Variants in PPFIA1 observed in about 807,000 individuals in gnomAD.
PPFIA1 encodes the protein liprin-alpha-1.
Under a neutral mutation model 149.9 loss-of-function variants are expected in PPFIA1, and 25 were observed. That is an observed-to-expected ratio of 0.17 (90% CI 0.12 to 0.23). PPFIA1 has a LOEUF of 0.23. Ranked by LOEUF, PPFIA1 falls within the 10% of genes least tolerant of loss-of-function variation. The pLI is 1.00. For synonymous variants in PPFIA1, 549 were observed against 552.8 expected (o/e 0.99, Z 0.10); for missense variants, 1,362 against 1,506.5 (o/e 0.90, Z 1.59).
At chr11:70,358,413 G>T (rs2137418729) in intron 19 of PPFIA1, 1 of 152,218 alleles carries the variant, frequency 6.6e-6, no homozygotes, top group Non-Finnish European at 1.5e-5. Flanking sequence ...AGTAGAGATG[G>T]GGTTTCACCA....
intron 21 of PPFIA1, among the ~76,000 whole-genome samples, chr11:70,366,548 T>A (rs2056949647): frequency 6.6e-6 from 1 of 152,240 alleles, no homozygotes; most frequent in African/African-American, 2.4e-5. Context: ...CCAACTGTTT[T>A]GCATTCTGTA....
chr11:70,301,949 G>A lies in PPFIA1; in HGVS notation c.265-22453G>A, dbSNP rs150354884. The stretch of plus-strand genomic sequence containing the variant: ...CATATGCAGTGACCGTGTGAACATG[G>A]CTGCTTTGCTCGGTTCCTTGTTGTG... On this transcript the variant is annotated intron_variant, in intron 2 of 27. Transcript: ENST00000253925. 1.0e-3 allele frequency among the ~76,000 whole-genome samples: 152 copies of A among 152,368 alleles called. 2 individuals are homozygous for A. Among genetic ancestry groups the A allele is most frequent in the African/African-American group, 3.3e-3 (136 of 41,592 alleles).
At chr11:70,370,022 A>G (rs954453622) in intron 21 of PPFIA1, among the ~76,000 whole-genome samples, 1 of 149,742 alleles carries the variant, frequency 6.7e-6, no homozygotes, top group Non-Finnish European at 1.5e-5. Context: ...GCTCAATCTC[A>G]GCTCACTGCA....
At chr11:70,381,326 G>A (rs2057703321) in intron 26 of PPFIA1, 1 of 152,154 alleles carries the variant, frequency 6.6e-6, no homozygotes, top group Admixed American at 6.5e-5. Context: ...ACCTGCTTCC[G>A]ATTTGCAAAA....
At chr11:70,279,004 A>G in intron 2 of PPFIA1, 1 of 549,604 alleles carries the variant, frequency 1.8e-6, no homozygotes, top group African/African-American at 1.9e-5. Context: ...TTGAAGAGAG[A>G]GCCCAATTCT....
At chr11:70,363,001 TTAAA>T (rs2056739323) in intron 21 of PPFIA1, 1 of 152,464 alleles carries the variant, frequency 6.6e-6, no homozygotes, top group African/African-American at 2.4e-5. Context: ...CATTTTATAA[TTAAA>T]TGTTTTGAAT....
intron 21 of PPFIA1, chr11:70,366,063 T>C: frequency 2.3e-6 from 1 of 425,824 alleles, no homozygotes; most frequent in South Asian, 1.7e-5. Context: ...TTTTGATGTT[T>C]ATAGCATCTT....
At chr11:70,309,548 A>G (rs1328214542) in intron 2 of PPFIA1, among the ~76,000 whole-genome samples, 2 of 152,162 alleles carry the variant, frequency 1.3e-5, no homozygotes, top group Non-Finnish European at 2.9e-5. Context: ...CAACAACCAA[A>G]GATAGTTTGG....
chr11:70,367,730 AGG>A (rs1397840848), intron 21 of PPFIA1: 1 of 392,210 alleles, frequency 2.5e-6, no homozygotes, highest in Non-Finnish European at 5.0e-6. Flanking sequence ...AGAAACAAGT[AGG>A]GTTCTGCTTC....
rs555927006 is a variant in PPFIA1, at chr11:70,362,550, C to T, written c.2865+62C>T. 3.4e-5 allele frequency: 51 copies of T among 1,486,590 alleles called. 1 individual carries two copies. In the South Asian group the frequency reaches 6.2e-4, roughly 18 times the overall value. 92.1% of individuals were successfully genotyped at this position (1,486,590 alleles called of 1,614,324 possible). ...AGGGAATGCCTCTCTGAAGGTATCA[C>T]TGCCCTGTTTACATTGCTTCTCCAG... is the stretch of plus-strand genomic sequence containing the variant. On this transcript the variant is annotated intron_variant, in intron 21 of 27. Coordinates refer to ENST00000253925, the MANE Select transcript of PPFIA1 (RefSeq NM_003626.5).
At chr11:70,336,820 AC>A (rs1344400832) in intron 11 of PPFIA1, among the ~76,000 whole-genome samples, 4 of 152,200 alleles carry the variant, frequency 2.6e-5, no homozygotes, top group Admixed American at 6.5e-5. Flanking sequence ...GGACTCAGAA[AC>A]TGCCCTGAGA....
intron 23 of PPFIA1, among the ~76,000 whole-genome samples, chr11:70,372,925 G>T (rs2057334183): frequency 6.6e-6 from 1 of 152,174 alleles, no homozygotes; most frequent in South Asian, 2.1e-4. Flanking sequence ...AAGCTCACTT[G>T]ATGATTCAAG....
rs549932599 is a variant in PPFIA1, at chr11:70,336,055, C to T, written c.1428+361C>T. ...TTAGCACAAAAGCAGCCATAAATAA[C>T]GTGTAAATGAATGAGTCTGGCTATG... On this transcript the variant is annotated intron_variant, in intron 11 of 27. Coordinates refer to ENST00000253925, the MANE Select transcript of PPFIA1 (RefSeq NM_003626.5). Among the ~76,000 whole-genome samples, 45 of 152,244 alleles carry T rather than the reference C, an allele frequency of 3.0e-4. No homozygotes were observed. The South Asian group carries it at 8.7e-3, about 30-fold the overall frequency.
At chr11:70,331,518 A>T (rs962117702) in intron 8 of PPFIA1, among the ~76,000 whole-genome samples, 1 of 152,094 alleles carries the variant, frequency 6.6e-6, no homozygotes. Context: ...AGTGGCGCAC[A>T]CCTGTAATCC....
rs2057785989 is a variant in PPFIA1 at position 70,383,640 on chromosome 11, A to G, written c.*650A>G. 1.3e-5 allele frequency: 2 copies of G among 154,270 alleles called. No homozygotes were observed. Among genetic ancestry groups the G allele is most frequent in the Admixed American group, 6.5e-5 (1 of 15,308 alleles). The allele number at this position is 154,270 out of a possible 1,614,324, so 9.6% of individuals were successfully genotyped here. ...GTGTTAAATATCAGCTCCTAATAAG[A>G]TGTGGACTGAAAACACTATCACAAC... On this transcript the variant is annotated 3_prime_UTR_variant, in exon 28 of 28. Coordinates refer to ENST00000253925, the MANE Select transcript of PPFIA1 (RefSeq NM_003626.5).
intron 2 of PPFIA1, among the ~76,000 whole-genome samples, chr11:70,314,105 T>C (rs2053451484): frequency 1.3e-5 from 2 of 152,092 alleles, no homozygotes; most frequent in Non-Finnish European, 2.9e-5. Flanking sequence ...GCAGGCACAC[T>C]GCATAGGGTG....
At chr11:70,371,273 TG>T (rs773250239) in intron 21 of PPFIA1, 4 of 33,064 alleles carry the variant, frequency 1.2e-4, no homozygotes, top group Non-Finnish European at 1.9e-4. Context: ...TCTTTAAGTA[TG>T]TTGAGATTTG....
chr11:70,368,439 C>CTA (rs780727453), intron 21 of PPFIA1, among the ~76,000 whole-genome samples: 99 of 152,298 alleles, frequency 6.5e-4, no homozygotes, highest in Middle Eastern at 6.8e-3. Flanking sequence ...TTGAGAGTCA[C>CTA]TACAAAGATA....
chr11:70,272,214 C>A lies in PPFIA1; in HGVS notation c.42C>A (p.Gly14=), dbSNP rs1235515945. 1 of 1,613,852 alleles carries A rather than the reference C, an allele frequency of 6.2e-7. No individual in the cohort carries two copies. Among genetic ancestry groups the A allele is most frequent in the South Asian group, 1.1e-5 (1 of 91,078 alleles). ...TGCCGACCATCAGCGAAGCAGAAGG[C>A]CCCCCTGGAGGAGGTGGAGGCCATG... is the stretch of plus-strand genomic sequence containing the variant. ...EVMPTISEAE[G]PPGGGGGHGS... is the part of the protein sequence containing the mutation. Residue 14 remains glycine (G), a synonymous_variant, in exon 2 of 28, where the codon GGC becomes GGA. Transcript: ENST00000253925.
Sources: allele counts gnomAD v4.1 joint callset (sites outside exome capture counted in the v4.1 genomes callset), GRCh38; gene constraint gnomAD v4.1.1; transcripts MANE v1.5; gene names NCBI Gene and HGNC (gene_info 2026-07-23, HGNC 2026-07-21).